Variants in STARD13 observed in about 807,000 individuals in gnomAD.
The protein encoded by STARD13 is stAR-related lipid transfer protein 13.
Under a neutral mutation model 106.4 loss-of-function variants are expected in STARD13, and 62 were observed. The observed-to-expected ratio is 0.58, with a 90% CI of 0.48 to 0.72. The LOEUF (loss-of-function observed/expected upper bound fraction) is 0.72. STARD13 is among the 30% of genes least tolerant of loss of function. The pLI is 0.00. For synonymous variants in STARD13, 565 were observed against 553.0 expected (o/e 1.02, Z -0.31); for missense variants, 1,387 against 1,424.0 (o/e 0.97, Z 0.42).
At chr13:33,423,580 G>A in the STARD13 span, among the ~76,000 whole-genome samples, 2 of 152,210 alleles carry the variant, frequency 1.3e-5, no homozygotes, top group Non-Finnish European at 2.9e-5. Context: ...TTGACCCAGC[G>A]ATCCCATTAC....
At chr13:33,229,592 C>A (rs978624157) in intron 1 of STARD13, among the ~76,000 whole-genome samples, 3 of 152,184 alleles carry the variant, frequency 2.0e-5, no homozygotes, top group African/African-American at 7.2e-5. Context: ...GGCATGGACA[C>A]GCGAGTGCAC....
chr13:33,357,831 C>G, the STARD13 span, among the ~76,000 whole-genome samples: 1 of 152,140 alleles, frequency 6.6e-6, no homozygotes, highest in Non-Finnish European at 1.5e-5. Context: ...GTCCTCAGAG[C>G]CCTCGCTTGC....
chr13:33,656,386 A>G, the STARD13 span, among the ~76,000 whole-genome samples: 1 of 152,356 alleles, frequency 6.6e-6, no homozygotes, highest in South Asian at 2.1e-4. Context: ...AAAGCTTTCT[A>G]CGATGTTTAA....
chr13:33,544,856 C>T, the STARD13 span, among the ~76,000 whole-genome samples: 1 of 147,414 alleles, frequency 6.8e-6, no homozygotes, highest in Non-Finnish European at 1.5e-5. Context: ...TCACTGCAAT[C>T]TCTGCCTCCC....
At chr13:33,609,975 A>T in the STARD13 span, among the ~76,000 whole-genome samples, 1 of 152,332 alleles carries the variant, frequency 6.6e-6, no homozygotes, top group South Asian at 2.1e-4. Flanking sequence ...AAAGTGGGGA[A>T]AAAAGTCATG....
chr13:33,628,200 A>C, the STARD13 span, among the ~76,000 whole-genome samples: 1 of 148,968 alleles, frequency 6.7e-6, no homozygotes, highest in African/African-American at 2.5e-5. Context: ...CACCACATGC[A>C]TCATGGACAC....
chr13:33,123,993 G>A (rs754732606), intron 7 of STARD13, among the ~76,000 whole-genome samples: 2 of 152,206 alleles, frequency 1.3e-5, no homozygotes, highest in Non-Finnish European at 2.9e-5. Context: ...GGGCAGACTG[G>A]AATCTTTTCA....
the STARD13 span, among the ~76,000 whole-genome samples, chr13:33,664,103 G>A: frequency 3.9e-5 from 6 of 152,194 alleles, no homozygotes; most frequent in South Asian, 2.1e-4. Flanking sequence ...CTAGATCCAA[G>A]TAACCACGAA....
the STARD13 span, among the ~76,000 whole-genome samples, chr13:33,468,527 T>C: frequency 1.6e-4 from 25 of 152,292 alleles, no homozygotes; most frequent in Non-Finnish European, 3.1e-4. Flanking sequence ...TTTGTTATCA[T>C]AGGAGTGGCT....
At chr13:33,301,332 G>T (rs1169054859) in intron 1 of STARD13, among the ~76,000 whole-genome samples, 2 of 152,174 alleles carry the variant, frequency 1.3e-5, no homozygotes, top group African/African-American at 2.4e-5. Context: ...TGCCCTGATG[G>T]TTACTTTATT....
At chr13:33,618,379 A>G in the STARD13 span, among the ~76,000 whole-genome samples, 3 of 152,226 alleles carry the variant, frequency 2.0e-5, no homozygotes, top group Admixed American at 2.0e-4. Flanking sequence ...TGAAACACAA[A>G]AGAAAATTTA....
the STARD13 span, among the ~76,000 whole-genome samples, chr13:33,513,590 T>C: frequency 2.0e-5 from 3 of 152,158 alleles, no homozygotes; most frequent in Non-Finnish European, 4.4e-5. Context: ...GGCCATATCC[T>C]CTCTGAAGAT....
At chr13:33,543,414 TTAGA>T in the STARD13 span, among the ~76,000 whole-genome samples, 8 of 152,362 alleles carry the variant, frequency 5.3e-5, no homozygotes, top group East Asian at 1.5e-3. Flanking sequence ...CACGTTTCTT[TTAGA>T]TAATCAGAGA....
the STARD13 span, among the ~76,000 whole-genome samples, chr13:33,591,561 GT>G: frequency 1.3e-5 from 2 of 152,146 alleles, no homozygotes; most frequent in African/African-American, 4.8e-5. Context: ...TTATTTCTAA[GT>G]CTCATTTCAT....
intron 1 of STARD13, among the ~76,000 whole-genome samples, chr13:33,189,034 T>C (rs1886013058): frequency 6.6e-6 from 1 of 152,190 alleles, no homozygotes; most frequent in Admixed American, 6.5e-5. Flanking sequence ...CAGGTATAAG[T>C]CAATGACTCT....
rs1877128819 is a variant in STARD13 at position 33,126,132 on chromosome 13, A to C, written c.2031T>G (p.Pro677=). The change falls in exon 7 of 14, where the codon CCT becomes CCG. Residue 677 remains proline, a synonymous_variant. Coordinates refer to ENST00000336934, the MANE Select transcript of STARD13 (RefSeq NM_178006.4). Reference sequence around the variant, plus strand: ...ATCTCAGTGCTTGCTGAATACTTTGAGGCAGGGGCTGTCCCGTTCTTTGGA... The same window carrying C: ...ATCTCAGTGCTTGCTGAATACTTTGCGGCAGGGGCTGTCCCGTTCTTTGGA... ...VHVQRTGQPL[P]QSIQQALRYL... is the part of the protein sequence containing the mutation. 1 of 1,614,038 alleles carries C rather than the reference A, an allele frequency of 6.2e-7. No individual in the cohort carries two copies. Among genetic ancestry groups the C allele is most frequent in the Non-Finnish European group, 8.5e-7 (1 of 1,180,036 alleles).
chr13:33,105,446 A>G lies in STARD13; in HGVS notation c.*147T>C, dbSNP rs1873561538. 8 of 604,932 alleles carry G rather than the reference A, an allele frequency of 1.3e-5. No individual in the cohort carries two copies. The East Asian group carries it at 2.1e-4, about 16-fold the overall frequency. The allele number at this position is 604,932 out of a possible 1,614,324, so 37.5% of individuals were successfully genotyped here. ...GTTCTTGGAAATTCTTGCATCTCCA[A>G]CATTCCAACTTCTTAACGTTTCCAT... On this transcript the variant is annotated 3_prime_UTR_variant, in exon 14 of 14. Coordinates refer to ENST00000336934, the MANE Select transcript of STARD13 (RefSeq NM_178006.4).
intron 1 of STARD13, among the ~76,000 whole-genome samples, chr13:33,262,306 G>A (rs1326376732): frequency 1.3e-5 from 2 of 152,154 alleles, no homozygotes; most frequent in African/African-American, 2.4e-5. Flanking sequence ...GCTGGGCCCC[G>A]TCTGCCTGCC....
the STARD13 span, among the ~76,000 whole-genome samples, chr13:33,676,262 C>A: frequency 1.3e-5 from 2 of 152,124 alleles, no homozygotes; most frequent in South Asian, 4.1e-4. Flanking sequence ...TCCTGCGGAT[C>A]GGGACTGCCA....
Sources: allele counts gnomAD v4.1 joint callset (sites outside exome capture counted in the v4.1 genomes callset), GRCh38; gene constraint gnomAD v4.1.1; transcripts MANE v1.5; gene names NCBI Gene and HGNC (gene_info 2026-07-23, HGNC 2026-07-21).